Variants in RUBCNL observed in about 807,000 individuals in gnomAD.
RUBCNL encodes the protein rubicon like autophagy enhancer, also known as protein associated with UVRAG as autophagy enhancer.
RUBCNL carries 62 observed loss-of-function variants against 69.5 expected under a neutral mutation model. The observed-to-expected ratio is 0.89, with a 90% confidence interval of 0.73 to 1.10. The LOEUF (loss-of-function observed/expected upper bound fraction) is 1.10. Among genes scored for constraint, RUBCNL ranks in the 50% least tolerant of loss-of-function variants. The probability of loss-of-function intolerance (pLI) is 0.00; values close to 1 mark genes in which losing one functional copy is unlikely to be tolerated. For synonymous variants in RUBCNL, 291 were observed against 303.6 expected (o/e 0.96, Z 0.43); for missense variants, 768 against 798.1 (o/e 0.96, Z 0.45).
chr13:46,382,477 C>T (rs2049139272), intron 1 of RUBCNL, among the ~76,000 whole-genome samples: 1 of 152,026 alleles, frequency 6.6e-6, no homozygotes, highest in Non-Finnish European at 1.5e-5. Context: ...CAACAGATGA[C>T]CACTAGCAAT....
chr13:46,364,753 C>T (rs1390677073), intron 5 of RUBCNL, among the ~76,000 whole-genome samples: 3 of 149,670 alleles, frequency 2.0e-5, no homozygotes, highest in Non-Finnish European at 3.0e-5. Context: ...GTAATACCAA[C>T]CCACCTCATG....
chr13:46,359,602 G>C lies in RUBCNL; in HGVS notation c.1149C>G (p.Asp383Glu). The C allele has an allele frequency of 2.5e-6, 4 of 1,591,998 alleles. No homozygotes were observed. Among genetic ancestry groups the C allele is most frequent in the Non-Finnish European group, 3.4e-6 (4 of 1,168,178 alleles). The change falls in exon 9 of 15, where the codon GAC (aspartate) becomes GAG (glutamate). Residue 383 changes from aspartate to glutamate, a missense_variant. By Grantham distance (45) the Asp-to-Glu change is conservative (BLOSUM62 2). Transcript: ENST00000429979. ...GTACTACATTCATACTGGATTCAAA[G>C]TCTTTTCGGACACACTCTTCATTTA... The part of the protein sequence containing the change: ...IVVNEECVRK[D>E]FESSMNVVQE...
intron 10 of RUBCNL, among the ~76,000 whole-genome samples, chr13:46,355,619 G>A (rs932364494): frequency 1.3e-5 from 2 of 152,110 alleles, no homozygotes; most frequent in African/African-American, 4.8e-5. Context: ...AATCTTCTAG[G>A]CCTCAGTTGG....
intron 10 of RUBCNL, among the ~76,000 whole-genome samples, chr13:46,355,041 C>T (rs535820623): frequency 6.6e-6 from 1 of 152,186 alleles, no homozygotes; most frequent in Non-Finnish European, 1.5e-5. Context: ...TGGTGATGCC[C>T]GTCAGGCATT....
intron 5 of RUBCNL, among the ~76,000 whole-genome samples, chr13:46,367,152 C>T (rs1354582977): frequency 1.3e-5 from 2 of 152,192 alleles, no homozygotes; most frequent in Non-Finnish European, 2.9e-5. Context: ...GAAGAGCCCC[C>T]AGGTCCCAGA....
intron 12 of RUBCNL, among the ~76,000 whole-genome samples, chr13:46,348,761 G>A (rs759652317): frequency 3.9e-5 from 6 of 151,930 alleles, no homozygotes; most frequent in Non-Finnish European, 7.4e-5. Flanking sequence ...GCAGCACCAC[G>A]CCTAGCTAAT....
chr13:46,382,915 T>A (rs959583626), intron 1 of RUBCNL, among the ~76,000 whole-genome samples: 3 of 152,196 alleles, frequency 2.0e-5, no homozygotes, highest in Non-Finnish European at 4.4e-5. Flanking sequence ...GTAAAAAAAG[T>A]TAAGTATTGT....
chr13:46,376,097 A>G (rs2048987473), intron 2 of RUBCNL, among the ~76,000 whole-genome samples: 1 of 152,186 alleles, frequency 6.6e-6, no homozygotes, highest in Non-Finnish European at 1.5e-5. Flanking sequence ...ATACACTAAC[A>G]TACAACATAT....
At chr13:46,349,197 T>C in intron 12 of RUBCNL, 89 bp downstream of exon 12, 1 of 1,117,856 alleles carries the variant, frequency 8.9e-7, no homozygotes, top group Non-Finnish European at 1.3e-6. Flanking sequence ...TAAGAAGCCC[T>C]GTGTAATGGG....
At position 46,339,481 on chromosome 13, in the gene RUBCNL, A is replaced by C. The variant is rs1219178663; in HGVS notation, c.*3904T>G. ...ACCTGGGGGCAGAAACTGAATGTCA[A>C]ACCCCTTCCTGACATGTCTACCACG... On this transcript the variant is annotated 3_prime_UTR_variant, in exon 15 of 15. Coordinates refer to ENST00000429979, the MANE Select transcript of RUBCNL (RefSeq NM_025113.5). 6.6e-6 allele frequency among the ~76,000 whole-genome samples: 1 copy of C among 152,140 alleles called. No individual in the cohort carries two copies. Among genetic ancestry groups the C allele is most frequent in the Non-Finnish European group, 1.5e-5 (1 of 68,020 alleles).
At chr13:46,374,058 G>A (rs534920919) in intron 2 of RUBCNL, among the ~76,000 whole-genome samples, 19 of 152,134 alleles carry the variant, frequency 1.2e-4, no homozygotes, top group Non-Finnish European at 2.4e-4. Flanking sequence ...CTGAGTTACC[G>A]TCTTCTCACA....
chr13:46,347,216 G>A (rs563029909), intron 12 of RUBCNL, among the ~76,000 whole-genome samples: 2 of 152,154 alleles, frequency 1.3e-5, no homozygotes, highest in South Asian at 2.1e-4. Context: ...GACCAGCCTG[G>A]CCAACATGGT....
chr13:46,355,957 T>A (rs2048475025), intron 10 of RUBCNL, among the ~76,000 whole-genome samples: 1 of 151,910 alleles, frequency 6.6e-6, no homozygotes, highest in African/African-American at 2.4e-5. Context: ...AAAATAAGGA[T>A]GGGTAATATA....
intron 11 of RUBCNL, among the ~76,000 whole-genome samples, chr13:46,349,718 C>T (rs2048327958): frequency 6.6e-6 from 1 of 151,762 alleles, no homozygotes; most frequent in African/African-American, 2.4e-5. Context: ...GCTCTGTCAC[C>T]CAGGCTGGAG....
At chr13:46,369,496 G>C (rs2138791864) in intron 3 of RUBCNL, among the ~76,000 whole-genome samples, 1 of 152,290 alleles carries the variant, frequency 6.6e-6, no homozygotes, top group African/African-American at 2.4e-5. Context: ...ATTACAGGCA[G>C]ATTGAGCCAC....
At chr13:46,368,888 T>C (rs1254383246) in intron 3 of RUBCNL, 73 bp from the exon 4 acceptor site, 10 of 1,060,640 alleles carry the variant, frequency 9.4e-6, no homozygotes, top group Admixed American at 2.2e-5. Flanking sequence ...AAAACAATTA[T>C]AGGAAGTGGC....
At chr13:46,358,065 C>A (rs967619428) in intron 9 of RUBCNL, among the ~76,000 whole-genome samples, 1 of 152,170 alleles carries the variant, frequency 6.6e-6, no homozygotes, top group Non-Finnish European at 1.5e-5. Flanking sequence ...AATCTCTGCC[C>A]AGGTGCCATA....
chr13:46,345,947 C>T (rs1290937149), intron 12 of RUBCNL, among the ~76,000 whole-genome samples: 1 of 152,142 alleles, frequency 6.6e-6, no homozygotes. Context: ...CTTTGATTAC[C>T]AAGTAATCAA....
At chr13:46,385,323 T>TCTGCTGCCG in intron 1 of RUBCNL, 2 of 932,858 alleles carry the variant, frequency 2.1e-6, no homozygotes, top group Non-Finnish European at 2.6e-6. Flanking sequence ...GAAAAAACAA[T>TCTGCTGCCG]CAGAGATCTA....
Sources: gnomAD v4.1 joint callset for allele counts (sites outside exome capture counted in the v4.1 genomes callset) on GRCh38, gnomAD v4.1.1 for gene constraint, MANE v1.5 for transcripts, NCBI Gene and HGNC (gene_info 2026-07-23, HGNC 2026-07-21) for gene names.